The following ZNF487 variants were observed in gnomAD, a reference collection of about 807,000 sequenced individuals.
ZNF487 encodes zinc finger protein 487.
ZNF487 carries 4 observed loss-of-function variants against 3.0 expected under a neutral mutation model. That is an observed-to-expected ratio of 1.35 (90% CI 0.66 to 3.08). The LOEUF (loss-of-function observed/expected upper bound fraction) is 3.08. Ranked by LOEUF, ZNF487 falls within the 30% of genes most tolerant of loss-of-function variation. ZNF487 has a pLI of 0.01. For synonymous variants in ZNF487, 55 were observed against 34.6 expected (o/e 1.59, Z -2.06); for missense variants, 146 against 98.7 (o/e 1.48, Z -2.03).
At chr10:43,488,921 A>G in the ZNF487 span, among the ~76,000 whole-genome samples, 3 of 152,008 alleles carry the variant, frequency 2.0e-5, no homozygotes, top group Non-Finnish European at 4.4e-5. Flanking sequence ...GTTTGAGACC[A>G]GCCTGGGCAA....
intron 1 of ZNF487, among the ~76,000 whole-genome samples, chr10:43,450,967 G>A (rs61859054): frequency 0.028 from 4,252 of 152,038 alleles, 96 homozygotes; most frequent in South Asian, 0.041. Context: ...TATTTTTTGA[G>A]ATGGAGTTTC....
intron 1 of ZNF487, among the ~76,000 whole-genome samples, chr10:43,449,587 T>C (rs1238693982): frequency 6.6e-6 from 1 of 152,162 alleles, no homozygotes; most frequent in Non-Finnish European, 1.5e-5. Flanking sequence ...AAAATTCCTT[T>C]TCAGTATTTT....
At chr10:43,507,470 G>A in the ZNF487 span, among the ~76,000 whole-genome samples, 11 of 152,242 alleles carry the variant, frequency 7.2e-5, no homozygotes, top group African/African-American at 1.7e-4. Context: ...TCTGTTCAGC[G>A]TGCTCTCCTG....
chr10:43,515,004 G>A, the ZNF487 span, among the ~76,000 whole-genome samples: 23 of 152,266 alleles, frequency 1.5e-4, no homozygotes, highest in Admixed American at 1.3e-3. Context: ...CTTCTTATCT[G>A]TATTTTAGCT....
chr10:43,437,374 A>G (rs927735009), intron 1 of ZNF487, 112 bp downstream of exon 1: 1 of 161,258 alleles, frequency 6.2e-6, no homozygotes, highest in Non-Finnish European at 1.4e-5. Flanking sequence ...GGGATTTGGG[A>G]TCAGGGCGAG....
the ZNF487 span, among the ~76,000 whole-genome samples, chr10:43,488,593 G>A: frequency 2.6e-5 from 4 of 152,076 alleles, no homozygotes; most frequent in Non-Finnish European, 4.4e-5. Flanking sequence ...ACAAAATCTT[G>A]TAACACAACA....
At chr10:43,515,214 A>C in the ZNF487 span, among the ~76,000 whole-genome samples, 1 of 152,200 alleles carries the variant, frequency 6.6e-6, no homozygotes, top group Non-Finnish European at 1.5e-5. Context: ...AAACTCAAGC[A>C]GTTCCTTTTG....
intron 3 of ZNF487, among the ~76,000 whole-genome samples, chr10:43,480,578 G>T (rs780235972): frequency 6.6e-6 from 1 of 151,710 alleles, no homozygotes; most frequent in Non-Finnish European, 1.5e-5. Flanking sequence ...ACCACACCTG[G>T]CTAATTTTTG....
At chr10:43,444,360 G>A (rs1206918704) in intron 1 of ZNF487, among the ~76,000 whole-genome samples, 1 of 152,110 alleles carries the variant, frequency 6.6e-6, no homozygotes, top group Non-Finnish European at 1.5e-5. Context: ...GTGCTGGTCT[G>A]CTATTTTCTA....
At chr10:43,469,299 C>T (rs937341460) in intron 1 of ZNF487, among the ~76,000 whole-genome samples, 4 of 151,892 alleles carry the variant, frequency 2.6e-5, no homozygotes, top group Admixed American at 6.6e-5. Context: ...CGGGTTCAAG[C>T]GATTCTCCTG....
At chr10:43,470,975 GCAC>G (rs1840886184) in intron 1 of ZNF487, among the ~76,000 whole-genome samples, 2 of 152,042 alleles carry the variant, frequency 1.3e-5, no homozygotes, top group African/African-American at 2.4e-5. Context: ...CTACAGGCAT[GCAC>G]CACCACACTA....
rs573190958 is a variant in ZNF487, at chr10:43,464,358, AT to A, written c.-93-11358del. On this transcript the variant is annotated intron_variant, in intron 1 of 3. Transcript: ENST00000437590. ...CCACCATGCCCGGCTAATTGTTTGT[AT>A]TTTTATTTTATTTATTATTATTATT... is the stretch of plus-strand genomic sequence containing the variant. Among the ~76,000 whole-genome samples the A allele has an allele frequency of 9.3e-4, 141 of 151,340 alleles. 1 individual carries two copies. The highest frequency in any genetic ancestry group is 3.3e-3 in the African/African-American group (135 of 41,340).
At chr10:43,440,325 C>T (rs1839551414) in intron 1 of ZNF487, among the ~76,000 whole-genome samples, 1 of 151,362 alleles carries the variant, frequency 6.6e-6, no homozygotes, top group Non-Finnish European at 1.5e-5. Context: ...GCTGGGATTA[C>T]AGGTGTGAAC....
chr10:43,517,392 G>T, the ZNF487 span, among the ~76,000 whole-genome samples: 1 of 152,186 alleles, frequency 6.6e-6, no homozygotes, highest in Admixed American at 6.5e-5. Context: ...GGCCCACCTT[G>T]GATGGATTCC....
chr10:43,486,526 CAA>C (rs932389122), downstream of ZNF487, among the ~76,000 whole-genome samples: 5 of 122,092 alleles, frequency 4.1e-5, no homozygotes, highest in Admixed American at 2.5e-4. Flanking sequence ...AACTCCTTCT[CAA>C]AAAAAAAAAA....
In ZNF487 at chr10:43,481,779, G is replaced by C. The variant is rs562269414; in HGVS notation, c.481G>C (p.Val161Leu). ...PLEYDGNGKA[V>L]SQNEDLFRHQ... Reference sequence around the variant, plus strand: ...GGAATATGATGGAAATGGGAAAGCCGTCTCTCAGAATGAGGACTTATTTAG... The same window carrying C: ...GGAATATGATGGAAATGGGAAAGCCCTCTCTCAGAATGAGGACTTATTTAG... The change falls in exon 4 of 4, where the codon GTC (valine) becomes CTC (leucine). Residue 161 changes from valine to leucine, a missense_variant. Transcript: ENST00000437590. 1 of 711,882 alleles carries C rather than the reference G, an allele frequency of 1.4e-6. No individual in the cohort carries two copies. The highest frequency in any genetic ancestry group is 1.7e-5 in the African/African-American group (1 of 57,360). The allele number at this position is 711,882 out of a possible 1,614,324, so 44.1% of individuals were successfully genotyped here.
At chr10:43,478,510 G>A (rs777075943) in intron 3 of ZNF487, among the ~76,000 whole-genome samples, 1 of 152,114 alleles carries the variant, frequency 6.6e-6, no homozygotes, top group Non-Finnish European at 1.5e-5. Context: ...CTGAGATTGC[G>A]CCATTGCACT....
chr10:43,507,928 T>C, the ZNF487 span, among the ~76,000 whole-genome samples: 1 of 152,226 alleles, frequency 6.6e-6, no homozygotes. Flanking sequence ...TGGCAATTTA[T>C]ATATAGACAG....
chr10:43,491,908 TTTTTG>T, the ZNF487 span, among the ~76,000 whole-genome samples: 4 of 151,696 alleles, frequency 2.6e-5, no homozygotes, highest in African/African-American at 7.3e-5. Flanking sequence ...ATTTACACAA[TTTTTG>T]TTTTGTTTTG....
Sources: allele counts gnomAD v4.1 joint callset (sites outside exome capture counted in the v4.1 genomes callset), GRCh38; gene constraint gnomAD v4.1.1; transcripts MANE v1.5; gene names NCBI Gene and HGNC (gene_info 2026-07-23, HGNC 2026-07-21).